ABCC9: variants seen among roughly 807,000 people sequenced by gnomAD.
ABCC9 encodes ATP binding cassette subfamily C member 9.
Under a neutral mutation model 188.3 loss-of-function variants are expected in ABCC9, and 95 were observed. The ratio of observed to expected loss-of-function variants is 0.50; its 90% CI spans 0.43 to 0.60. The LOEUF (loss-of-function observed/expected upper bound fraction) is 0.60, where lower values mean the gene tolerates loss of function less well. Among genes scored for constraint, ABCC9 ranks in the 20% least tolerant of loss-of-function variants. The pLI, the probability that ABCC9 is intolerant of heterozygous loss-of-function variation, is 0.00. For synonymous variants in ABCC9, 659 were observed against 652.7 expected, an observed-to-expected ratio of 1.01 and a Z score of -0.15; for missense variants, 1,102 against 1,876.3, an observed-to-expected ratio of 0.59 and a Z score of 7.62.
Position 21,910,193 on chromosome 12 carries a change from CA to C in ABCC9, c.1283del (p.Leu428CysfsTer15). The C allele has an allele frequency of 6.2e-7, 1 of 1,611,450 alleles. No individual in the cohort carries two copies. The highest frequency in any genetic ancestry group is 8.5e-7 in the Non-Finnish European group (1 of 1,178,372). ...AIETNQLMWFLFLCPNLWAMP... is the reference protein window; with the variant it reads ...AIETNQLMWFXFLCPNLWAMP... ...TAGCCCATAGATTGGGACACAGGAA[CA>C]AAAACCACATGAGTTGATTAGTTTC... On this transcript the variant is annotated frameshift_variant, in exon 10 of 40. Coordinates refer to ENST00000261200, the MANE Select transcript of ABCC9 (RefSeq NM_020297.4). LOFTEE classifies it high-confidence loss of function.
intron 29 of ABCC9, among the ~76,000 whole-genome samples, chr12:21,840,211 T>C (rs541485126): frequency 3.9e-5 from 6 of 152,200 alleles, no homozygotes; most frequent in Non-Finnish European, 8.8e-5. Flanking sequence ...AGTTTCCCAC[T>C]TAAGTTCTCT....
At chr12:21,911,196 T>C (rs1478313390) in intron 8 of ABCC9, among the ~76,000 whole-genome samples, 1 of 151,976 alleles carries the variant, frequency 6.6e-6, no homozygotes, top group Non-Finnish European at 1.5e-5. Flanking sequence ...AAAGGTAGAA[T>C]TTATTTTTAA....
chr12:21,845,694 A>G lies in ABCC9; in HGVS notation c.3005T>C (p.Leu1002Pro). The change falls in exon 26 of 40, where the codon CTT (leucine) becomes CCT (proline). Residue 1002 changes from leucine (L) to proline (P), a missense_variant. Leu to Pro is a moderately conservative substitution (Grantham distance 98). Coordinates refer to ENST00000261200, the MANE Select transcript of ABCC9 (RefSeq NM_020297.4). ...AGCTACAATGACCGAATGCTTCAAA[A>G]GCTTAGAGAAAATCATCAGGATGAG... The part of the protein sequence containing the change: ...FLLILMIFSK[L>P]LKHSVIVAID... 1 of 1,613,904 alleles carries G rather than the reference A, an allele frequency of 6.2e-7. No individual in the cohort carries two copies.
At chr12:21,905,647 T>C (rs1434925960) in intron 12 of ABCC9, among the ~76,000 whole-genome samples, 1 of 152,144 alleles carries the variant, frequency 6.6e-6, no homozygotes, top group Non-Finnish European at 1.5e-5. Context: ...TACCCATGTG[T>C]ATTCTGAGAC....
At position 21,882,862 on chromosome 12, in the gene ABCC9, A is replaced by G; in HGVS notation, c.1923T>C (p.Thr641=). The change falls in exon 16 of 40, where the codon ACT becomes ACC. Residue 641 remains threonine, a synonymous_variant. Coordinates refer to ENST00000261200, the MANE Select transcript of ABCC9 (RefSeq NM_020297.4). Reference sequence around the variant, plus strand: ...ATCTTCCAGGCTGTTTCCTGTTTATAGTTTTTGGCTGCTGCATTCCAAATG... The same window carrying G: ...ATCTTCCAGGCTGTTTCCTGTTTATGGTTTTTGGCTGCTGCATTCCAAATG... ...CKKHTGVQPK[T]INRKQPGRYH... is the part of the protein sequence containing the mutation. The G allele has an allele frequency of 1.9e-6, 3 of 1,613,794 alleles. No homozygotes were observed. Among genetic ancestry groups the G allele is most frequent in the African/African-American group, 2.7e-5 (2 of 75,026 alleles).
intron 15 of ABCC9, among the ~76,000 whole-genome samples, chr12:21,883,649 A>G (rs1210747736): frequency 4.6e-5 from 7 of 152,164 alleles, no homozygotes; most frequent in Admixed American, 2.6e-4. Context: ...TTTTAATCTG[A>G]TACACTCACA....
chr12:21,828,972 G>C lies in ABCC9; in HGVS notation c.3655C>G (p.Leu1219Val). The part of the protein sequence containing the change: ...YLFLSAANRW[L>V]EVRTDYLGAC... ...AATGAACGTACCGTCCTGACCTCCAGCCATCTGTTGGCAGCTGAGAGAAAT... is the reference window on the plus strand; with the variant it reads ...AATGAACGTACCGTCCTGACCTCCACCCATCTGTTGGCAGCTGAGAGAAAT... The change falls in exon 31 of 40, where the codon CTG becomes GTG. Residue 1219 changes from leucine (L) to valine (V), a missense_variant. Leu to Val is a conservative substitution (Grantham distance 32). Around this residue, in one of 12 missense-constraint regions of ABCC9, gnomAD observed 143 missense variants for 225.6 expected, o/e 0.63. Transcript: ENST00000261200. 1 of 1,613,680 alleles carries C rather than the reference G, an allele frequency of 6.2e-7. No individual in the cohort carries two copies. The highest frequency in any genetic ancestry group is 8.5e-7 in the Non-Finnish European group (1 of 1,179,686).
chr12:21,807,989 A>G (rs1479266686), intron 37 of ABCC9, among the ~76,000 whole-genome samples: 1 of 152,024 alleles, frequency 6.6e-6, no homozygotes, highest in Non-Finnish European at 1.5e-5. Flanking sequence ...GGTATCTTAC[A>G]CAGGAGCTGA....
At chr12:21,915,476 ATATG>A (rs1416362374) in intron 7 of ABCC9, among the ~76,000 whole-genome samples, 188 bp downstream of exon 7, 316 of 8,130 alleles carry the variant, frequency 0.039, 55 homozygotes, top group East Asian at 0.06. Context: ...GTGTGTGTAT[ATATG>A]TGTGTGTGTG....
intron 7 of ABCC9, 150 bp from the exon 8 acceptor site, chr12:21,913,216 G>A: frequency 1.5e-6 from 1 of 670,188 alleles, no homozygotes; most frequent in Non-Finnish European, 2.5e-6. Context: ...TTTCAGCATA[G>A]CATGCATAAT....
chr12:21,913,400 A>C (rs1431626532), intron 7 of ABCC9, among the ~76,000 whole-genome samples: 3 of 152,190 alleles, frequency 2.0e-5, no homozygotes, highest in Non-Finnish European at 2.9e-5. Context: ...GATTGGGAAA[A>C]TATATATTTG....
intron 19 of ABCC9, among the ~76,000 whole-genome samples, chr12:21,864,219 C>T (rs1221362559): frequency 6.6e-6 from 1 of 152,064 alleles, no homozygotes; most frequent in Non-Finnish European, 1.5e-5. Flanking sequence ...ACACGTGTGA[C>T]TCAGTGAGAG....
intron 16 of ABCC9, among the ~76,000 whole-genome samples, chr12:21,878,807 AAGAT>A (rs1946492045): frequency 6.6e-6 from 1 of 152,168 alleles, no homozygotes; most frequent in African/African-American, 2.4e-5. Context: ...CCATACAAGA[AAGAT>A]AGAAGAGGAG....
intron 14 of ABCC9, 64 bp from the exon 15 acceptor site, chr12:21,887,998 C>G: frequency 8.1e-7 from 1 of 1,238,204 alleles, no homozygotes. Flanking sequence ...AAAGTGCTAC[C>G]TAAATAACGA....
chr12:21,812,737 A>G (rs764566381), intron 35 of ABCC9, among the ~76,000 whole-genome samples: 1 of 152,094 alleles, frequency 6.6e-6, no homozygotes, highest in Non-Finnish European at 1.5e-5. Context: ...ATTAGGAGAA[A>G]TACCTAATGT....
intron 31 of ABCC9, among the ~76,000 whole-genome samples, chr12:21,825,516 C>T (rs995848747): frequency 1.2e-4 from 19 of 152,124 alleles, no homozygotes; most frequent in Admixed American, 7.2e-4. Flanking sequence ...AGCTGGAAAC[C>T]ATCATCCTCA....
At chr12:21,815,640 TG>T (rs988266828) in intron 34 of ABCC9, 122 bp downstream of exon 34, 2 of 1,196,300 alleles carry the variant, frequency 1.7e-6, no homozygotes, top group African/African-American at 3.0e-5. Context: ...GCAGATAATT[TG>T]ACCTACATCA....
At chr12:21,875,854 G>A in intron 16 of ABCC9, 128 bp from the exon 17 acceptor site, 2 of 665,852 alleles carry the variant, frequency 3.0e-6, no homozygotes, top group South Asian at 3.4e-5. Flanking sequence ...GGAGACCAAG[G>A]CAGGTGGATC....
chr12:21,939,407 A>G (rs111329846), intron 2 of ABCC9, among the ~76,000 whole-genome samples: 3 of 152,340 alleles, frequency 2.0e-5, no homozygotes, highest in African/African-American at 7.2e-5. Flanking sequence ...TATTGCTGAT[A>G]TATTGATAAT....
Sources: gnomAD v4.1 joint callset for allele counts (sites outside exome capture counted in the v4.1 genomes callset) on GRCh38, gnomAD v4.1.1 for gene constraint, gnomAD v4.1.1 regional missense constraint, MANE v1.5 for transcripts, NCBI Gene and HGNC (gene_info 2026-07-23, HGNC 2026-07-21) for gene names.